The following NCKAP5 variants were observed in gnomAD, a reference collection of about 807,000 sequenced individuals.
The protein encoded by NCKAP5 is nck-associated protein 5.
Under a neutral mutation model 167.0 loss-of-function variants are expected in NCKAP5, and 92 were observed. The ratio of observed to expected loss-of-function variants is 0.55; its 90% CI spans 0.47 to 0.66. The LOEUF (loss-of-function observed/expected upper bound fraction) is 0.66, where lower values mean the gene tolerates loss of function less well. NCKAP5 is among the 30% of genes least tolerant of loss of function. The pLI is 0.00. For missense variants in NCKAP5, 2,378 were observed against 2,315.0 expected, an observed-to-expected ratio of 1.03 and a Z score of -0.56; for synonymous variants, 891 against 877.4, an observed-to-expected ratio of 1.02 and a Z score of -0.27.
intron 3 of NCKAP5, among the ~76,000 whole-genome samples, chr2:133,469,601 C>T (rs7573467): frequency 2.8e-4 from 43 of 151,148 alleles, no homozygotes; most frequent in African/African-American, 9.3e-4. Flanking sequence ...TATCCTGCAG[C>T]GTGTTTTCCA....
At chr2:133,254,551 G>A (rs1489364707) in intron 4 of NCKAP5, among the ~76,000 whole-genome samples, 2 of 152,174 alleles carry the variant, frequency 1.3e-5, no homozygotes, top group Non-Finnish European at 2.9e-5. Context: ...TAAGTCTGGA[G>A]ATTGTTATTC....
chr2:133,619,633 G>A, the NCKAP5 span, among the ~76,000 whole-genome samples: 1 of 152,016 alleles, frequency 6.6e-6, no homozygotes, highest in African/African-American at 2.4e-5. Flanking sequence ...AAGAATAATT[G>A]ATATTCCCAA....
intron 3 of NCKAP5, among the ~76,000 whole-genome samples, chr2:133,442,153 C>G (rs1448601292): frequency 3.9e-5 from 6 of 152,152 alleles, no homozygotes; most frequent in Non-Finnish European, 8.8e-5. Context: ...TCTGAAAGGG[C>G]ATCACACGTG....
chr2:132,906,802 T>TTAA (rs1694042061), intron 8 of NCKAP5, among the ~76,000 whole-genome samples: 1 of 152,170 alleles, frequency 6.6e-6, no homozygotes, highest in South Asian at 2.1e-4. Flanking sequence ...GAGCACTGAT[T>TTAA]TGATGATGGA....
At chr2:133,085,726 GT>G (rs1270822482) in intron 6 of NCKAP5, among the ~76,000 whole-genome samples, 1 of 152,128 alleles carries the variant, frequency 6.6e-6, no homozygotes, top group Non-Finnish European at 1.5e-5. Context: ...TTCATCGCTG[GT>G]TTCCATAAAC....
chr2:132,679,189 G>A (rs1219834720), intron 19 of NCKAP5, among the ~76,000 whole-genome samples: 2 of 152,182 alleles, frequency 1.3e-5, no homozygotes, highest in African/African-American at 4.8e-5. Flanking sequence ...ATATAGACAA[G>A]CTTAGTAATT....
chr2:132,990,508 G>A (rs2077419667), intron 7 of NCKAP5, among the ~76,000 whole-genome samples: 1 of 152,168 alleles, frequency 6.6e-6, no homozygotes, highest in African/African-American at 2.4e-5. Context: ...AAATCTGAGA[G>A]CACATGTTAC....
intron 5 of NCKAP5, among the ~76,000 whole-genome samples, chr2:133,188,668 C>A (rs1024577863): frequency 8.5e-5 from 13 of 152,106 alleles, no homozygotes; most frequent in Non-Finnish European, 1.8e-4. Context: ...ACTGAACAAC[C>A]TGCGCCTGAA....
rs555500229 is a variant in NCKAP5 at position 132,790,654 on chromosome 2, G to C, written c.910-449C>G. Among the ~76,000 whole-genome samples the C allele has an allele frequency of 6.6e-5, 10 of 152,234 alleles. No individual in the cohort carries two copies. The South Asian group carries it at 1.0e-3, about 16-fold the overall frequency. ...TGTATGGTATGGTATGATAATTACGGGCAGACTTTGGAGTCAAATTTGGGC... is the reference window on the plus strand; with the variant it reads ...TGTATGGTATGGTATGATAATTACGCGCAGACTTTGGAGTCAAATTTGGGC... On this transcript the variant is annotated intron_variant, in intron 12 of 19. Coordinates refer to ENST00000409261, the MANE Select transcript of NCKAP5 (RefSeq NM_207363.3).
chr2:133,192,501 T>G (rs2085270600), intron 5 of NCKAP5, among the ~76,000 whole-genome samples: 1 of 151,976 alleles, frequency 6.6e-6, no homozygotes, highest in South Asian at 2.1e-4. Context: ...ACATACCACA[T>G]ATACTACCAA....
At chr2:132,900,977 G>GAAAAAA (rs58885401) in intron 8 of NCKAP5, among the ~76,000 whole-genome samples, 4 of 98,696 alleles carry the variant, frequency 4.1e-5, no homozygotes, top group Non-Finnish European at 6.2e-5. Context: ...AAAAAAAAAA[G>GAAAAAA]AAAAAAAAAA....
chr2:133,158,263 G>T (rs62180666), intron 5 of NCKAP5, among the ~76,000 whole-genome samples: 1 of 152,192 alleles, frequency 6.6e-6, no homozygotes, highest in Admixed American at 6.5e-5. Context: ...GGATGCAGCT[G>T]CAGAAACAGG....
At chr2:132,909,276 G>A (rs1052377305) in intron 8 of NCKAP5, among the ~76,000 whole-genome samples, 2 of 152,096 alleles carry the variant, frequency 1.3e-5, no homozygotes, top group Non-Finnish European at 2.9e-5. Flanking sequence ...AACCTGGGAG[G>A]TGGAGGTTGC....
At chr2:132,809,650 G>A (rs571639402) in intron 11 of NCKAP5, among the ~76,000 whole-genome samples, 1 of 152,204 alleles carries the variant, frequency 6.6e-6, no homozygotes, top group East Asian at 1.9e-4. Context: ...GTTTATGTGA[G>A]TTCTTATGTG....
chr2:133,250,418 C>T (rs1463179256), intron 4 of NCKAP5, among the ~76,000 whole-genome samples: 1 of 152,080 alleles, frequency 6.6e-6, no homozygotes, highest in Non-Finnish European at 1.5e-5. Context: ...AGACAGCATG[C>T]AGGTGTGGTT....
chr2:133,179,805 T>G (rs2084651364), intron 5 of NCKAP5, among the ~76,000 whole-genome samples: 1 of 151,194 alleles, frequency 6.6e-6, no homozygotes, highest in Non-Finnish European at 1.5e-5. Flanking sequence ...AGAGAGAAAT[T>G]CAACTGAAAA....
chr2:133,667,430 T>G, the NCKAP5 span, among the ~76,000 whole-genome samples: 4 of 152,006 alleles, frequency 2.6e-5, no homozygotes, highest in Non-Finnish European at 5.9e-5. Flanking sequence ...ACAAATTGGT[T>G]TGGGTCCTCC....
rs542097961 is a variant in NCKAP5, at chr2:133,262,378, T to C, written c.143+40659A>G. Reference sequence around the variant, plus strand: ...TAGCAGCAAGTGCTATGACTTATGTTCAAGACCTTTCAACACAACACAAAA... The same window carrying C: ...TAGCAGCAAGTGCTATGACTTATGTCCAAGACCTTTCAACACAACACAAAA... On this transcript the variant is annotated intron_variant, in intron 4 of 19. Transcript: ENST00000409261. 2.0e-5 allele frequency among the ~76,000 whole-genome samples: 3 copies of C among 152,314 alleles called. No homozygotes were observed. In the South Asian group the frequency reaches 6.2e-4, roughly 32 times the overall value.
chr2:133,630,651 C>A, the NCKAP5 span, among the ~76,000 whole-genome samples: 1 of 152,086 alleles, frequency 6.6e-6, no homozygotes, highest in Non-Finnish European at 1.5e-5. Flanking sequence ...TGTTGGTGAC[C>A]CTTCTGCCAC....
Sources: allele counts gnomAD v4.1 joint callset (sites outside exome capture counted in the v4.1 genomes callset), GRCh38; gene constraint gnomAD v4.1.1; transcripts MANE v1.5; gene names NCBI Gene and HGNC (gene_info 2026-07-23, HGNC 2026-07-21).